The following ZNF664 variants were observed in gnomAD, a reference collection of about 807,000 sequenced individuals.
The protein encoded by ZNF664 is zinc finger Organ of Corti 1.
In ZNF664, 10 loss-of-function variants were observed where a neutral mutation model predicts 18.2. The observed-to-expected ratio is 0.55, with a 90% CI of 0.34 to 0.93. ZNF664 has a LOEUF of 0.93. Ranked by LOEUF, ZNF664 falls within the 40% of genes least tolerant of loss-of-function variation. ZNF664 has a pLI of 0.02. For missense variants in ZNF664, 193 were observed against 319.0 expected, an observed-to-expected ratio of 0.61 and a Z score of 3.01; for synonymous variants, 119 against 104.2, an observed-to-expected ratio of 1.14 and a Z score of -0.86.
intron 2 of ZNF664, 122 bp downstream of exon 2, chr12:123,974,142 C>T (rs1026704970): frequency 7.7e-6 from 5 of 651,060 alleles, no homozygotes; most frequent in South Asian, 7.8e-5. Context: ...ACTCCGTATA[C>T]CCCCTCCCAG....
intron 3 of ZNF664, among the ~76,000 whole-genome samples, chr12:123,992,819 C>T (rs1317403514): frequency 6.6e-6 from 1 of 152,100 alleles, no homozygotes. Context: ...GGAATATCTC[C>T]GAGGCTGGGC....
At chr12:123,980,849 C>G (rs1349946876) in intron 2 of ZNF664, among the ~76,000 whole-genome samples, 1 of 152,194 alleles carries the variant, frequency 6.6e-6, no homozygotes, top group East Asian at 1.9e-4. Context: ...ATTACATGTA[C>G]CTGTATTACA....
intron 3 of ZNF664, among the ~76,000 whole-genome samples, chr12:124,003,156 A>C (rs1566205848): frequency 1.3e-5 from 2 of 152,194 alleles, no homozygotes; most frequent in Non-Finnish European, 2.9e-5. Flanking sequence ...TTAAGAAGGA[A>C]GATACTAGAA....
At chr12:123,989,885 T>C (rs1566199370) in intron 3 of ZNF664, among the ~76,000 whole-genome samples, 1 of 152,058 alleles carries the variant, frequency 6.6e-6, no homozygotes, top group African/African-American at 2.4e-5. Flanking sequence ...AGATACTGAA[T>C]TCTATTCTTA....
chr12:123,996,564 T>A (rs1956950718), intron 3 of ZNF664, among the ~76,000 whole-genome samples: 1 of 152,188 alleles, frequency 6.6e-6, no homozygotes, highest in South Asian at 2.1e-4. Context: ...AGATTATGGC[T>A]TTGCCTGTGA....
In ZNF664 at chr12:124,010,541, T is replaced by C. The variant is rs529891201; in HGVS notation, c.-660-840T>C. 7.0e-4 allele frequency among the ~76,000 whole-genome samples: 107 copies of C among 152,376 alleles called. 1 individual carries two copies. Among genetic ancestry groups the C allele is most frequent in the African/African-American group, 2.3e-3 (97 of 41,588 alleles). On this transcript the variant is annotated intron_variant, in intron 3 of 4. Transcript: ENST00000337815. ...AGACTGGAAATAAGGCACTAAGAAA[T>C]GTACCTTTATCTGCTCCACCAGAAT...
intron 2 of ZNF664, 130 bp downstream of exon 2, chr12:123,974,150 C>G (rs570766987): frequency 5.1e-6 from 3 of 590,476 alleles, no homozygotes; most frequent in African/African-American, 1.9e-5. Flanking sequence ...TACCCCCTCC[C>G]AGACATTTTC....
At chr12:123,980,445 T>A (rs1333961193) in intron 2 of ZNF664, among the ~76,000 whole-genome samples, 3 of 152,214 alleles carry the variant, frequency 2.0e-5, no homozygotes, top group African/African-American at 7.2e-5. Flanking sequence ...CATTTCTTGA[T>A]GGTCTAGGAA....
At chr12:123,980,116 GGTGA>G (rs893429238) in intron 2 of ZNF664, among the ~76,000 whole-genome samples, 1 of 152,042 alleles carries the variant, frequency 6.6e-6, no homozygotes, top group Non-Finnish European at 1.5e-5. Flanking sequence ...AATAATGAAG[GGTGA>G]GTGTGTGTAT....
At chr12:123,975,367 TAAC>T (rs1194368900) in intron 2 of ZNF664, among the ~76,000 whole-genome samples, 2 of 151,904 alleles carry the variant, frequency 1.3e-5, no homozygotes, top group Non-Finnish European at 2.9e-5. Flanking sequence ...TTAGTCTTCT[TAAC>T]AATATTTTGC....
At chr12:124,005,754 C>T (rs1040538651) in intron 3 of ZNF664, 6 of 152,582 alleles carry the variant, frequency 3.9e-5, no homozygotes, top group African/African-American at 1.4e-4. Flanking sequence ...ATCCCTACAA[C>T]AAGCTGTCTC....
At chr12:123,982,500 C>T (rs1244551108) in intron 2 of ZNF664, among the ~76,000 whole-genome samples, 1 of 152,178 alleles carries the variant, frequency 6.6e-6, no homozygotes, top group Admixed American at 6.5e-5. Context: ...CCCAGGTGGT[C>T]ACTCTGGAAG....
At chr12:123,985,881 A>G (rs1956818754) in intron 2 of ZNF664, among the ~76,000 whole-genome samples, 1 of 152,252 alleles carries the variant, frequency 6.6e-6, no homozygotes, top group Admixed American at 6.5e-5. Flanking sequence ...TAGCTTGTAC[A>G]AAACCATATG....
At chr12:123,979,375 G>A (rs377206256) in intron 2 of ZNF664, among the ~76,000 whole-genome samples, 1 of 152,122 alleles carries the variant, frequency 6.6e-6, no homozygotes, top group Non-Finnish European at 1.5e-5. Context: ...TTGGGAGGAG[G>A]GCATCAGGCA....
chr12:123,983,922 G>A (rs1290401813), intron 2 of ZNF664, among the ~76,000 whole-genome samples: 1 of 152,170 alleles, frequency 6.6e-6, no homozygotes, highest in Non-Finnish European at 1.5e-5. Flanking sequence ...TGCACAAAGC[G>A]GGTTGCATGC....
chr12:123,975,435 AAG>A (rs1309302606), intron 2 of ZNF664, among the ~76,000 whole-genome samples: 92 of 150,584 alleles, frequency 6.1e-4, no homozygotes, highest in African/African-American at 2.0e-3. Context: ...AAAAAAAAAA[AAG>A]AGAGAGAGAT....
intron 3 of ZNF664, among the ~76,000 whole-genome samples, chr12:123,991,793 T>C (rs1956891953): frequency 6.6e-6 from 1 of 152,212 alleles, no homozygotes; most frequent in Non-Finnish European, 1.5e-5. Flanking sequence ...GCCTGTGTCA[T>C]CCTTGATCAC....
At chr12:123,994,282 C>A (rs1956922265) in intron 3 of ZNF664, among the ~76,000 whole-genome samples, 1 of 152,094 alleles carries the variant, frequency 6.6e-6, no homozygotes, top group Non-Finnish European at 1.5e-5. Flanking sequence ...CTTTAAAAAC[C>A]ATTTTTAAGG....
Position 124,013,117 on chromosome 12 carries a change from T to A in ZNF664, c.*187T>A. 1 of 856,784 alleles carries A rather than the reference T, an allele frequency of 1.2e-6. No individual in the cohort carries two copies. The highest frequency in any genetic ancestry group is 1.8e-6 in the Non-Finnish European group (1 of 564,668). 53.1% of individuals were successfully genotyped at this position (856,784 alleles called of 1,614,324 possible). ...GTGTTCCACAGGTTGACTTTGAATG[T>A]GGACCTCTGAGCATCCACGCAGGAT... On this transcript the variant is annotated 3_prime_UTR_variant, in exon 5 of 5. Transcript: ENST00000337815.
Sources: gnomAD v4.1 joint callset for allele counts (sites outside exome capture counted in the v4.1 genomes callset) on GRCh38, gnomAD v4.1.1 for gene constraint, MANE v1.5 for transcripts, NCBI Gene and HGNC (gene_info 2026-07-23, HGNC 2026-07-21) for gene names.